NREP: variants seen among roughly 807,000 people sequenced by gnomAD.
The protein encoded by NREP is neuronal regeneration related protein, also known as neuronal regeneration-related protein.
A neutral mutation model predicts 8.6 loss-of-function variants in NREP; 5 were observed. The ratio of observed to expected loss-of-function variants is 0.58; its 90% confidence interval spans 0.30 to 1.22. The LOEUF is 1.22. NREP is among the 50% of genes most tolerant of loss of function. The probability of loss-of-function intolerance (pLI) is 0.07; values close to 1 mark genes in which losing one functional copy is unlikely to be tolerated. For synonymous variants in NREP, 27 were observed against 28.0 expected (o/e 0.96, Z 0.11); for missense variants, 86 against 82.5 (o/e 1.04, Z -0.17).
At chr5:111,976,793 C>A (rs1380433761) in exon 1 of NREP, 2 of 1,515,176 alleles carry the variant, frequency 1.3e-6, no homozygotes, top group African/African-American at 2.8e-5. Context: ...GACAAAGAAG[C>A]TTCTTGCCGG....
intron 2 of NREP, among the ~76,000 whole-genome samples, chr5:111,870,037 T>A (rs541299724): frequency 6.6e-6 from 1 of 152,308 alleles, no homozygotes; most frequent in East Asian, 1.9e-4. Flanking sequence ...AGGTAGACTA[T>A]TGACCTAATA....
At chr5:111,844,272 T>C (rs1479629774) in intron 2 of NREP, among the ~76,000 whole-genome samples, 1 of 152,124 alleles carries the variant, frequency 6.6e-6, no homozygotes, top group Non-Finnish European at 1.5e-5. Flanking sequence ...AATTCTATAT[T>C]TAGTTAACAT....
At chr5:111,815,917 C>T (rs947798975) in intron 2 of NREP, among the ~76,000 whole-genome samples, 3 of 151,960 alleles carry the variant, frequency 2.0e-5, no homozygotes, top group Admixed American at 6.6e-5. Flanking sequence ...CTAGTCACAC[C>T]GAAGTGAAAC....
chr5:111,851,784 G>C (rs558872663), intron 2 of NREP, among the ~76,000 whole-genome samples: 2 of 152,226 alleles, frequency 1.3e-5, no homozygotes, highest in East Asian at 3.9e-4. Flanking sequence ...GTGTTCTAAT[G>C]ACACAAAATA....
At chr5:111,966,504 C>A (rs1487487538) in intron 2 of NREP, among the ~76,000 whole-genome samples, 1 of 152,056 alleles carries the variant, frequency 6.6e-6, no homozygotes, top group African/African-American at 2.4e-5. Context: ...CTAATAAGAT[C>A]TCTTGCTGCT....
chr5:111,784,887 T>C (rs955312261), intron 2 of NREP, among the ~76,000 whole-genome samples: 1 of 152,212 alleles, frequency 6.6e-6, no homozygotes, highest in Non-Finnish European at 1.5e-5. Context: ...ATGATGATTC[T>C]ATCTGGGAAA....
intron 2 of NREP, among the ~76,000 whole-genome samples, chr5:111,931,766 C>T (rs1034506246): frequency 2.0e-5 from 3 of 152,062 alleles, no homozygotes; most frequent in Admixed American, 6.6e-5. Flanking sequence ...CATCCTAAAA[C>T]CAGAGAATTA....
chr5:111,958,958 T>C (rs1245858965), intron 2 of NREP, among the ~76,000 whole-genome samples: 1 of 151,912 alleles, frequency 6.6e-6, no homozygotes, highest in Non-Finnish European at 1.5e-5. Context: ...CCTTACGGTA[T>C]ATCACAAATC....
At chr5:111,859,548 G>GA (rs1467151065) in intron 2 of NREP, among the ~76,000 whole-genome samples, 3 of 152,092 alleles carry the variant, frequency 2.0e-5, no homozygotes, top group Admixed American at 1.3e-4. Flanking sequence ...GGCCATGAGG[G>GA]ATGAAGGTTG....
intron 2 of NREP, among the ~76,000 whole-genome samples, chr5:111,852,423 C>G (rs1753333893): frequency 1.3e-5 from 2 of 152,166 alleles, no homozygotes; most frequent in Non-Finnish European, 1.5e-5. Flanking sequence ...AATACTGGCA[C>G]AGCCTCAAAG....
At chr5:111,875,639 G>A (rs1753888925) in intron 2 of NREP, among the ~76,000 whole-genome samples, 1 of 152,158 alleles carries the variant, frequency 6.6e-6, no homozygotes, top group Admixed American at 6.6e-5. Flanking sequence ...ACATCATTCA[G>A]AAACAATCAA....
chr5:111,837,957 A>G (rs867038543), intron 2 of NREP, among the ~76,000 whole-genome samples: 6 of 152,054 alleles, frequency 3.9e-5, no homozygotes, highest in African/African-American at 1.4e-4. Flanking sequence ...ACCATCTACA[A>G]TGCAATTTTG....
At chr5:111,860,752 G>C (rs1209648352) in intron 2 of NREP, among the ~76,000 whole-genome samples, 1 of 152,128 alleles carries the variant, frequency 6.6e-6, no homozygotes, top group South Asian at 2.1e-4. Flanking sequence ...TGTTAGGAAG[G>C]GATGGATAAT....
chr5:111,917,751 C>T (rs1040112652), intron 2 of NREP, among the ~76,000 whole-genome samples: 2 of 152,122 alleles, frequency 1.3e-5, no homozygotes, highest in Non-Finnish European at 2.9e-5. Context: ...CAGCCAATAT[C>T]GTACTGAATG....
At chr5:111,905,124 T>C (rs116139367) in intron 2 of NREP, among the ~76,000 whole-genome samples, 2,004 of 152,278 alleles carry the variant, frequency 0.013, 11 homozygotes, top group Non-Finnish European at 0.021. Flanking sequence ...TTCTCCTATA[T>C]GCCTTTTGTC....
chr5:111,901,869 T>C (rs1754655239), intron 2 of NREP, among the ~76,000 whole-genome samples: 1 of 152,160 alleles, frequency 6.6e-6, no homozygotes, highest in Admixed American at 6.6e-5. Flanking sequence ...AAAACGACTG[T>C]ACTACTCAAA....
chr5:111,805,549 ACAAAG>A (rs1752120754), intron 2 of NREP, among the ~76,000 whole-genome samples: 2 of 152,362 alleles, frequency 1.3e-5, no homozygotes, highest in East Asian at 3.9e-4. Flanking sequence ...TGTTAACTGA[ACAAAG>A]CAAGATACAA....
chr5:111,746,667 T>A (rs1345825850), intron 2 of NREP, among the ~76,000 whole-genome samples: 6 of 152,150 alleles, frequency 3.9e-5, no homozygotes, highest in Non-Finnish European at 7.4e-5. Context: ...ACAATTAGCA[T>A]CTTATCAAAG....
chr5:111,835,791 TA>T (rs1561686309), intron 2 of NREP, among the ~76,000 whole-genome samples: 1 of 151,834 alleles, frequency 6.6e-6, no homozygotes, highest in African/African-American at 2.4e-5. Flanking sequence ...AGGCTGAAGA[TA>T]GGGGGAAAAA....
Sources: allele counts gnomAD v4.1 joint callset (sites outside exome capture counted in the v4.1 genomes callset), GRCh38; gene constraint gnomAD v4.1.1; transcripts MANE v1.5; gene names NCBI Gene and HGNC (gene_info 2026-07-23, HGNC 2026-07-21).